The following LNX1 variants were observed in gnomAD, a reference collection of about 807,000 sequenced individuals.
LNX1 encodes ligand of numb-protein X 1.
LNX1 carries 54 observed loss-of-function variants against 68.4 expected under a neutral mutation model. The ratio of observed to expected loss-of-function variants is 0.79; its 90% CI spans 0.63 to 0.99. The LOEUF (loss-of-function observed/expected upper bound fraction) is 0.99. Among genes scored for constraint, LNX1 ranks in the 50% least tolerant of loss-of-function variants. The pLI is 0.00. For missense variants in LNX1, 906 were observed against 926.4 expected, an observed-to-expected ratio of 0.98 and a Z score of 0.29; for synonymous variants, 336 against 350.0, an observed-to-expected ratio of 0.96 and a Z score of 0.45.
At chr4:53,585,528 T>A (rs1435845809) in intron 1 of LNX1, among the ~76,000 whole-genome samples, 3 of 152,124 alleles carry the variant, frequency 2.0e-5, no homozygotes, top group African/African-American at 7.2e-5. Context: ...TAAGAAGGTG[T>A]CATGAGGTTT....
intron 2 of LNX1, among the ~76,000 whole-genome samples, chr4:53,509,162 C>T (rs879643305): frequency 1.3e-5 from 2 of 152,200 alleles, no homozygotes; most frequent in African/African-American, 2.4e-5. Flanking sequence ...TTAACTATCT[C>T]ACTCTACTGT....
In LNX1 at chr4:53,498,667, G is replaced by T. The variant is rs1725250748; in HGVS notation, c.952C>A (p.Leu318Ile). 1 of 1,614,020 alleles carries T rather than the reference G, an allele frequency of 6.2e-7. No homozygotes were observed. Among genetic ancestry groups the T allele is most frequent in the Non-Finnish European group, 8.5e-7 (1 of 1,179,916 alleles). ...TTTAGAATGATGTCTCCTGGCAGTAGCCGGCCGTCTCTGGCGATCACCCCA... is the reference window on the plus strand; with the variant it reads ...TTTAGAATGATGTCTCCTGGCAGTATCCGGCCGTCTCTGGCGATCACCCCA... Reference protein sequence around the residue: ...RDGVIARDGRLLPGDIILKVN... With the variant: ...RDGVIARDGRILPGDIILKVN... Residue 318 changes from leucine to isoleucine, a missense_variant, in exon 5 of 11, where the codon CTA becomes ATA. Physicochemically the swap from Leu to Ile is conservative, Grantham distance 5. Transcript: ENST00000263925.
intron 2 of LNX1, among the ~76,000 whole-genome samples, chr4:53,564,377 C>T (rs1434314746): frequency 2.0e-5 from 3 of 152,186 alleles, no homozygotes; most frequent in Non-Finnish European, 2.9e-5. Context: ...CAGATCCACA[C>T]ACCATCTTCT....
At chr4:53,478,534 CCA>C in intron 8 of LNX1, 29 bp downstream of exon 8, 1 of 1,580,208 alleles carries the variant, frequency 6.3e-7, no homozygotes, top group Non-Finnish European at 8.6e-7. Context: ...CTCTGCCACC[CCA>C]GTGCCTTTAA....
rs780944987 is a variant in LNX1 at position 53,508,015 on chromosome 4, A to C, written c.593T>G (p.Val198Gly). 3.7e-6 allele frequency: 6 copies of C among 1,613,962 alleles called. No individual in the cohort carries two copies. ...AEDGQPAISP[V>G]DSGRSNRTRA... ...AGTTCGGTTGCTCCGGCCAGAGTCCACTGGGCTGATTGCTGGCTGCCCGTC... is the reference window on the plus strand; with the variant it reads ...AGTTCGGTTGCTCCGGCCAGAGTCCCCTGGGCTGATTGCTGGCTGCCCGTC... The change falls in exon 3 of 11, where the codon GTG (valine) becomes GGG (glycine). Residue 198 changes from valine to glycine, a missense_variant. Physicochemically the swap from Val to Gly is moderately radical, Grantham distance 109 (BLOSUM62 -3). Coordinates refer to ENST00000263925, the MANE Select transcript of LNX1 (RefSeq NM_001126328.3).
At chr4:53,569,904 C>T (rs1275488317) in intron 2 of LNX1, among the ~76,000 whole-genome samples, 1 of 150,500 alleles carries the variant, frequency 6.6e-6, no homozygotes, top group African/African-American at 2.4e-5. Context: ...CCAAAAAACA[C>T]ATGAAAAAAT....
At chr4:53,572,416 C>T (rs1016173973) in intron 2 of LNX1, among the ~76,000 whole-genome samples, 3 of 152,124 alleles carry the variant, frequency 2.0e-5, no homozygotes, top group African/African-American at 7.2e-5. Context: ...ACATAATGAG[C>T]GTGGAAAACA....
At chr4:53,540,626 G>A (rs1167178145) in intron 2 of LNX1, among the ~76,000 whole-genome samples, 1 of 148,082 alleles carries the variant, frequency 6.8e-6, no homozygotes, top group African/African-American at 2.5e-5. Context: ...AGGTTGCAGC[G>A]AGCCGAGATT....
chr4:53,587,548 G>C (rs1732251764), intron 1 of LNX1, among the ~76,000 whole-genome samples: 1 of 152,110 alleles, frequency 6.6e-6, no homozygotes, highest in Non-Finnish European at 1.5e-5. Context: ...CATGAATACT[G>C]AGGCAATGAG....
rs1298202922 is a variant in LNX1, at chr4:53,523,074, C to T, written c.381-14847G>A. 3.3e-5 allele frequency: 5 copies of T among 152,266 alleles called. No individual in the cohort carries two copies. In the East Asian group the frequency reaches 9.6e-4, roughly 29 times the overall value. 9.4% of individuals were successfully genotyped at this position (152,266 alleles called of 1,614,324 possible). ...TATGAGATACCTCAGATCAATCAAT[C>T]CCTGGCAGTGGGTCTGCTAAACATC... is the stretch of plus-strand genomic sequence containing the variant. On this transcript the variant is annotated intron_variant, in intron 2 of 10. Transcript: ENST00000263925.
Position 53,529,059 on chromosome 4 carries a change from G to C in LNX1, c.381-20832C>G, listed in dbSNP as rs1338492005. On this transcript the variant is annotated intron_variant, in intron 2 of 10. Coordinates refer to ENST00000263925, the MANE Select transcript of LNX1 (RefSeq NM_001126328.3). ...AGTTTTCAGTTCATGAACCATTCTG[G>C]TCTTGCTGGCTTATTGGCAATTACA... Among the ~76,000 whole-genome samples, 7 of 148,218 alleles carry C rather than the reference G, an allele frequency of 4.7e-5. No homozygotes were observed. The East Asian group carries it at 1.0e-3, about 21-fold the overall frequency.
chr4:53,473,119 C>A (rs774973030), intron 9 of LNX1, among the ~76,000 whole-genome samples: 25 of 152,048 alleles, frequency 1.6e-4, no homozygotes, highest in Middle Eastern at 3.2e-3. Context: ...AAATTGATAA[C>A]CAACCATATT....
intron 1 of LNX1, among the ~76,000 whole-genome samples, chr4:53,630,665 T>C (rs1383712062): frequency 2.0e-5 from 3 of 152,178 alleles, no homozygotes; most frequent in Non-Finnish European, 2.9e-5. Context: ...GGCTATGAGT[T>C]TGATGTTAGT....
intron 1 of LNX1, 64 bp from the exon 2 acceptor site, chr4:53,574,152 G>T: frequency 8.3e-7 from 1 of 1,211,738 alleles, no homozygotes; most frequent in Non-Finnish European, 1.1e-6. Context: ...GCTTATGGTA[G>T]ACATGAGACA....
chr4:53,556,257 A>T (rs1165434309), intron 2 of LNX1, among the ~76,000 whole-genome samples: 4 of 152,200 alleles, frequency 2.6e-5, no homozygotes, highest in Non-Finnish European at 2.9e-5. Context: ...CCACAAGCCA[A>T]GGAACACCTG....
At chr4:53,564,315 A>G (rs552725484) in intron 2 of LNX1, among the ~76,000 whole-genome samples, 3 of 152,262 alleles carry the variant, frequency 2.0e-5, no homozygotes, top group African/African-American at 7.2e-5. Flanking sequence ...CAGAGTTCCA[A>G]CAGCCACCTG....
rs1297710066 is a variant in LNX1, at chr4:53,498,773, G to A, written c.846C>T (p.Pro282=). ...CCAGCCTAATAGAGAGGCTTTCACT[G>A]GGATCTACTCGATTGATCTTGATGC... ...ITSIKINRVD[P]SESLSIRLVG... The change falls in exon 5 of 11, where the codon CCC becomes CCT. Residue 282 remains proline (P), a synonymous_variant. Coordinates refer to ENST00000263925, the MANE Select transcript of LNX1 (RefSeq NM_001126328.3). 4 of 1,613,982 alleles carry A rather than the reference G, an allele frequency of 2.5e-6. No homozygotes were observed. The highest frequency in any genetic ancestry group is 3.4e-6 in the Non-Finnish European group (4 of 1,179,914).
upstream of LNX1, among the ~76,000 whole-genome samples, chr4:53,594,994 G>A (rs759444348): frequency 4.6e-5 from 7 of 152,200 alleles, no homozygotes; most frequent in Admixed American, 4.6e-4. Flanking sequence ...TTACAGGTGC[G>A]AGCCACTTGG....
intron 7 of LNX1, 74 bp from the exon 8 acceptor site, chr4:53,478,816 G>T: frequency 6.9e-7 from 1 of 1,442,494 alleles, no homozygotes; most frequent in East Asian, 2.3e-5. Context: ...AAAATGCAAA[G>T]TGGGTTTCCA....
Sources: gnomAD v4.1 joint callset for allele counts (sites outside exome capture counted in the v4.1 genomes callset) on GRCh38, gnomAD v4.1.1 for gene constraint, MANE v1.5 for transcripts, NCBI Gene and HGNC (gene_info 2026-07-23, HGNC 2026-07-21) for gene names.